Variants in SHANK2 observed in about 807,000 individuals in gnomAD.
The protein encoded by SHANK2 is SH3 and multiple ankyrin repeat domains 2.
Under a neutral mutation model 133.7 loss-of-function variants are expected in SHANK2, and 43 were observed. The observed-to-expected ratio is 0.32, with a 90% CI of 0.25 to 0.41. The LOEUF (loss-of-function observed/expected upper bound fraction) is 0.41, where lower values mean the gene tolerates loss of function less well. Ranked by LOEUF, SHANK2 falls within the 10% of genes least tolerant of loss-of-function variation. The pLI is 1.00. For missense variants in SHANK2, 1,994 were observed against 2,235.8 expected (o/e 0.89, Z 2.18); for synonymous variants, 1,017 against 952.8 (o/e 1.07, Z -1.24).
chr11:70,543,416 G>C (rs2059647472), intron 17 of SHANK2, among the ~76,000 whole-genome samples: 1 of 152,104 alleles, frequency 6.6e-6, no homozygotes, highest in African/African-American at 2.4e-5. Context: ...CTCCAGGGAG[G>C]AGAGAGAGAG....
intron 14 of SHANK2, among the ~76,000 whole-genome samples, chr11:70,718,644 A>T (rs1374669188): frequency 6.6e-6 from 1 of 151,398 alleles, no homozygotes; most frequent in African/African-American, 2.4e-5. Flanking sequence ...TGAGAAGGCG[A>T]ATGTCACAGC....
intron 9 of SHANK2, among the ~76,000 whole-genome samples, chr11:71,066,841 G>T (rs1304627528): frequency 6.6e-6 from 1 of 152,170 alleles, no homozygotes; most frequent in Admixed American, 6.5e-5. Context: ...CCCTTGAAGA[G>T]CTGTGCCTGT....
chr11:70,836,026 A>C lies in SHANK2; in HGVS notation c.1175-15344T>G, dbSNP rs560711835. The stretch of plus-strand genomic sequence containing the variant: ...TGGGCTGCCCACCACCTCCTCTCCC[A>C]TACAAGAGAGCCCACCAAGGTGCAG... On this transcript the variant is annotated intron_variant, in intron 11 of 25. Coordinates refer to ENST00000601538, the MANE Select transcript of SHANK2 (RefSeq NM_012309.5). Among the ~76,000 whole-genome samples the C allele has an allele frequency of 1.2e-3, 176 of 152,262 alleles. 1 individual carries two copies. Among genetic ancestry groups the C allele is most frequent in the African/African-American group, 4.0e-3 (167 of 41,570 alleles).
At chr11:70,624,908 T>G (rs1486264962) in intron 17 of SHANK2, among the ~76,000 whole-genome samples, 1 of 151,658 alleles carries the variant, frequency 6.6e-6, no homozygotes, top group Non-Finnish European at 1.5e-5. Flanking sequence ...CTGCGGGGGG[T>G]GTCCCAAGGG....
Position 70,500,816 on chromosome 11 carries a change from G to C in SHANK2, c.2288-226C>G, listed in dbSNP as rs2059039833. The C allele has an allele frequency of 1.4e-6, 1 of 721,662 alleles. No individual in the cohort carries two copies. Among genetic ancestry groups the C allele is most frequent in the African/African-American group, 1.8e-5 (1 of 56,892 alleles). 44.7% of individuals were successfully genotyped at this position (721,662 alleles called of 1,614,324 possible). A position where few individuals can be genotyped will look rare whatever the true frequency, so the allele number is the denominator to read the frequency against. On this transcript the variant is annotated intron_variant, in intron 20 of 25. Coordinates refer to ENST00000601538, the MANE Select transcript of SHANK2 (RefSeq NM_012309.5). The surrounding 1 kb of genome is among the most constrained non-coding windows in gnomAD (Gnocchi z 4.5). ...CAACTCTGTCCTGTCTGCCCTGCTC[G>C]TTAACCTACTGCCTGGCAGTGGAAA...
At chr11:70,672,067 T>C (rs1158918459) in intron 15 of SHANK2, among the ~76,000 whole-genome samples, 5 of 35,626 alleles carry the variant, frequency 1.4e-4, no homozygotes, top group Non-Finnish European at 4.0e-4. Flanking sequence ...TTTCTTTTTC[T>C]TTTTTTTTTT....
At chr11:71,133,609 A>C (rs1396887166) in intron 3 of SHANK2, among the ~76,000 whole-genome samples, 4 of 151,062 alleles carry the variant, frequency 2.6e-5, no homozygotes, top group Non-Finnish European at 3.0e-5. Context: ...ATGGGTGGGT[A>C]GGTGGGTGGA....
intron 6 of SHANK2, among the ~76,000 whole-genome samples, chr11:71,102,584 C>G (rs1305205241): frequency 6.6e-6 from 1 of 152,218 alleles, no homozygotes; most frequent in Non-Finnish European, 1.5e-5. Flanking sequence ...ACCAAACTCA[C>G]TGTGGAGAGG....
intron 6 of SHANK2, among the ~76,000 whole-genome samples, chr11:71,099,749 G>A (rs1397031109): frequency 6.6e-6 from 1 of 152,188 alleles, no homozygotes; most frequent in Admixed American, 6.5e-5. Flanking sequence ...TTAGGGAACT[G>A]CAAACTAAGA....
rs2058707061 is a variant in SHANK2 at position 70,479,622 on chromosome 11, T to G, written c.4979+5692A>C. 6.6e-6 allele frequency among the ~76,000 whole-genome samples: 1 copy of G among 152,224 alleles called. No individual in the cohort carries two copies. The highest frequency in any genetic ancestry group is 2.1e-4 in the South Asian group (1 of 4,834). On this transcript the variant is annotated intron_variant, in intron 25 of 25. Transcript: ENST00000601538. The surrounding 1 kb of genome is among the most constrained non-coding windows in gnomAD (Gnocchi z 4.4). Reference sequence around the variant, plus strand: ...AAAGGGCTGGCGACCTAGAGGGGACTCTGGGGAACTCTTATAGGCCATGCA... The same window carrying G: ...AAAGGGCTGGCGACCTAGAGGGGACGCTGGGGAACTCTTATAGGCCATGCA...
At position 71,066,169 on chromosome 11, in the gene SHANK2, CTGGGGAGATGAG is replaced by C. The variant is rs2135951834; in HGVS notation, c.1029+8978_1029+8989del. Among the ~76,000 whole-genome samples the C allele has an allele frequency of 1.1e-4, 7 of 63,844 alleles. 1 individual carries two copies. Among genetic ancestry groups the C allele is most frequent in the East Asian group, 5.4e-4 (1 of 1,868 alleles). The allele number at this position is 63,844 out of a possible 152,430, so 41.9% of individuals were successfully genotyped here. On this transcript the variant is annotated intron_variant, in intron 9 of 25. Transcript: ENST00000601538. Reference sequence around the variant, plus strand: ...TGGGTGGGGGGGGTGCAGAACTCTCCTGGGGAGATGAGCAGTGAGTGGGGAAGTTGGGGGGGG... The same window carrying C: ...TGGGTGGGGGGGGTGCAGAACTCTCCCAGTGAGTGGGGAAGTTGGGGGGGG...
At chr11:71,150,911 T>C (rs1952783783) in intron 2 of SHANK2, among the ~76,000 whole-genome samples, 1 of 152,150 alleles carries the variant, frequency 6.6e-6, no homozygotes, top group Admixed American at 6.5e-5. Flanking sequence ...ATAAGAATCC[T>C]GAACTTAGGA....
chr11:70,759,750 T>A (rs1261004223), intron 14 of SHANK2, among the ~76,000 whole-genome samples: 1 of 152,146 alleles, frequency 6.6e-6, no homozygotes, highest in Non-Finnish European at 1.5e-5. Flanking sequence ...GCTTTTCTCT[T>A]CCTCTAGCAG....
At chr11:70,842,081 A>G (rs1555061898) in intron 11 of SHANK2, among the ~76,000 whole-genome samples, 1 of 152,224 alleles carries the variant, frequency 6.6e-6, no homozygotes, top group African/African-American at 2.4e-5. Flanking sequence ...GATGGGTGTC[A>G]CAGCTATTTG....
chr11:70,718,280 C>T (rs1555027975), intron 14 of SHANK2, among the ~76,000 whole-genome samples: 1 of 152,214 alleles, frequency 6.6e-6, no homozygotes, highest in Admixed American at 6.5e-5. Flanking sequence ...CTTGGCCGTT[C>T]AGAGCCCTGC....
At chr11:70,492,231 G>A (rs1323258855) in intron 22 of SHANK2, 104 bp downstream of exon 22, 13 of 1,542,140 alleles carry the variant, frequency 8.4e-6, no homozygotes, top group East Asian at 4.5e-5. Context: ...TGGACAGCAC[G>A]AACCAGACAT....
intron 3 of SHANK2, among the ~76,000 whole-genome samples, chr11:71,120,507 A>AC (rs564186771): frequency 7.3e-5 from 11 of 151,138 alleles, no homozygotes; most frequent in Non-Finnish European, 1.5e-4. Flanking sequence ...GGGACGGCCA[A>AC]CAGGAGGTCG....
rs2061310162 is a variant in SHANK2 at position 70,649,249 on chromosome 11, A to G, written c.2061+10579T>C. ...CCCTAGGTCCTGCCATGGAGACTGAACACAAAGGAGATGCATGGGAAAGTC... is the reference window on the plus strand; with the variant it reads ...CCCTAGGTCCTGCCATGGAGACTGAGCACAAAGGAGATGCATGGGAAAGTC... On this transcript the variant is annotated intron_variant, in intron 17 of 25. Transcript: ENST00000601538. 3.9e-5 allele frequency among the ~76,000 whole-genome samples: 6 copies of G among 152,152 alleles called. No homozygotes were observed. The South Asian group carries it at 1.2e-3, about 32-fold the overall frequency.
chr11:71,152,022 C>T (rs546941170), intron 2 of SHANK2, among the ~76,000 whole-genome samples: 7 of 152,162 alleles, frequency 4.6e-5, no homozygotes, highest in African/African-American at 7.2e-5. Context: ...TAGGTAGGAA[C>T]GCAGGTCTGG....
Sources: gnomAD v4.1 joint callset for allele counts (sites outside exome capture counted in the v4.1 genomes callset) on GRCh38, gnomAD v4.1.1 for gene constraint, Gnocchi (gnomAD v3.1) non-coding constraint, MANE v1.5 for transcripts, NCBI Gene and HGNC (gene_info 2026-07-23, HGNC 2026-07-21) for gene names.